GRXCR1: variants seen among roughly 807,000 people sequenced by gnomAD.
GRXCR1 encodes glutaredoxin domain-containing cysteine-rich protein 1.
GRXCR1 carries 27 observed loss-of-function variants against 27.3 expected under a neutral mutation model. The ratio of observed to expected loss-of-function variants is 0.99; its 90% CI spans 0.73 to 1.37. GRXCR1 has a LOEUF of 1.37. Among genes scored for constraint, GRXCR1 ranks in the 40% most tolerant of loss-of-function variants. The pLI, the probability that GRXCR1 is intolerant of heterozygous loss-of-function variation, is 0.00. For missense variants in GRXCR1, 379 were observed against 354.4 expected (o/e 1.07, Z -0.56); for synonymous variants, 122 against 131.1 (o/e 0.93, Z 0.47).
At chr4:42,950,109 G>T in intron 1 of GRXCR1, among the ~76,000 whole-genome samples, 1 of 152,140 alleles carries the variant, frequency 6.6e-6, no homozygotes, top group East Asian at 1.9e-4. Context: ...TAATATTGTA[G>T]ATATAATATA....
intron 2 of GRXCR1, among the ~76,000 whole-genome samples, chr4:42,986,034 T>C (rs1560676133): frequency 6.6e-6 from 1 of 152,182 alleles, no homozygotes; most frequent in Non-Finnish European, 1.5e-5. Flanking sequence ...AGAATGTAAA[T>C]AGCTCCTGAG....
intron 2 of GRXCR1, among the ~76,000 whole-genome samples, chr4:42,980,583 C>A (rs1301224563): frequency 6.6e-6 from 1 of 151,980 alleles, no homozygotes; most frequent in East Asian, 1.9e-4. Context: ...GAAGACTGTT[C>A]CATGTGCAGT....
chr4:43,006,583 T>G lies in GRXCR1; in HGVS notation c.628-13771T>G, dbSNP rs1284078800. On this transcript the variant is annotated intron_variant, in intron 2 of 3. Transcript: ENST00000399770. ...AGAGGAAATTCCCACCTAATAAATT[T>G]TGGTCAGACCAGTTGATCTCAAAAC... is the stretch of plus-strand genomic sequence containing the variant. Among the ~76,000 whole-genome samples the G allele has an allele frequency of 2.0e-5, 3 of 152,170 alleles. No individual in the cohort carries two copies. In the East Asian group the frequency reaches 5.8e-4, roughly 29 times the overall value.
chr4:42,968,371 C>T (rs1009150499), intron 2 of GRXCR1, among the ~76,000 whole-genome samples: 3 of 152,012 alleles, frequency 2.0e-5, no homozygotes, highest in African/African-American at 7.2e-5. Flanking sequence ...TACTTTCTGG[C>T]AAAATAACAA....
At chr4:43,007,874 C>G (rs1002527065) in intron 2 of GRXCR1, among the ~76,000 whole-genome samples, 1 of 152,208 alleles carries the variant, frequency 6.6e-6, no homozygotes, top group East Asian at 1.9e-4. Flanking sequence ...CTTTTACTCT[C>G]ACACCTCATA....
intron 2 of GRXCR1, among the ~76,000 whole-genome samples, chr4:42,990,641 C>G (rs147477717): frequency 9.2e-5 from 14 of 152,024 alleles, no homozygotes; most frequent in South Asian, 4.2e-4. Flanking sequence ...TATCAATTTC[C>G]AAGAAACTAA....
chr4:42,947,678 G>T (rs925415761), intron 1 of GRXCR1, among the ~76,000 whole-genome samples: 2 of 152,164 alleles, frequency 1.3e-5, no homozygotes, highest in Non-Finnish European at 2.9e-5. Flanking sequence ...GAGCTGTGGT[G>T]ACAAACCAAG....
intron 1 of GRXCR1, among the ~76,000 whole-genome samples, chr4:42,907,978 C>A (rs1232933846): frequency 6.6e-6 from 1 of 152,152 alleles, no homozygotes; most frequent in African/African-American, 2.4e-5. Flanking sequence ...CAATGTAGCA[C>A]CACATAATAA....
intron 2 of GRXCR1, among the ~76,000 whole-genome samples, chr4:42,981,816 T>A (rs141251106): frequency 6.6e-6 from 1 of 152,330 alleles, no homozygotes; most frequent in East Asian, 1.9e-4. Context: ...TTGGAACTTC[T>A]GTATGTGTTA....
chr4:42,937,510 A>G (rs1747488828), intron 1 of GRXCR1, among the ~76,000 whole-genome samples: 1 of 151,920 alleles, frequency 6.6e-6, no homozygotes, highest in African/African-American at 2.4e-5. Flanking sequence ...CCAAGGAAAT[A>G]TATGTGGGTA....
intron 2 of GRXCR1, among the ~76,000 whole-genome samples, chr4:42,970,128 G>A (rs923562482): frequency 3.9e-5 from 6 of 152,128 alleles, no homozygotes; most frequent in Non-Finnish European, 5.9e-5. Context: ...TGCAAGGGGT[G>A]GGCTCCCAAT....
chr4:42,993,962 G>C (rs1008221800), intron 2 of GRXCR1, among the ~76,000 whole-genome samples: 3 of 152,024 alleles, frequency 2.0e-5, no homozygotes, highest in Admixed American at 1.3e-4. Flanking sequence ...CACTGTGATC[G>C]TAAGTCATTA....
chr4:43,005,321 A>G (rs1054508355), intron 2 of GRXCR1, among the ~76,000 whole-genome samples: 1 of 152,182 alleles, frequency 6.6e-6, no homozygotes, highest in Admixed American at 6.5e-5. Context: ...GTAGTCCTTT[A>G]TAGCAGTTTG....
intron 1 of GRXCR1, among the ~76,000 whole-genome samples, chr4:42,958,541 T>A (rs932566058): frequency 5.3e-5 from 8 of 151,792 alleles, no homozygotes; most frequent in Non-Finnish European, 7.4e-5. Context: ...ACACAGGTAA[T>A]GCAAGGAAAA....
intron 1 of GRXCR1, among the ~76,000 whole-genome samples, chr4:42,895,243 G>T (rs1459874283): frequency 6.6e-6 from 1 of 152,008 alleles, no homozygotes; most frequent in Non-Finnish European, 1.5e-5. Flanking sequence ...TCTATGCATA[G>T]TTCCATAGCC....
intron 2 of GRXCR1, among the ~76,000 whole-genome samples, chr4:43,005,618 G>A (rs929467091): frequency 2.6e-5 from 4 of 152,136 alleles, no homozygotes; most frequent in African/African-American, 9.7e-5. Flanking sequence ...AACACCAAGG[G>A]TTCAAGCCAC....
chr4:42,993,835 T>A (rs1268514190), intron 2 of GRXCR1, among the ~76,000 whole-genome samples: 1 of 152,114 alleles, frequency 6.6e-6, no homozygotes. Flanking sequence ...CTTATTAGGA[T>A]CCAAATAAGT....
intron 1 of GRXCR1, among the ~76,000 whole-genome samples, chr4:42,926,148 T>C (rs1747152824): frequency 6.6e-6 from 1 of 152,070 alleles, no homozygotes; most frequent in Admixed American, 6.6e-5. Flanking sequence ...GGCTGCACTA[T>C]GTTGTAGGAT....
intron 1 of GRXCR1, among the ~76,000 whole-genome samples, chr4:42,902,378 AT>A (rs1340786162): frequency 1.3e-5 from 2 of 152,166 alleles, no homozygotes; most frequent in East Asian, 3.9e-4. Context: ...ATCAGTTTCT[AT>A]AACAGTGACC....
Sources: gnomAD v4.1 joint callset for allele counts (sites outside exome capture counted in the v4.1 genomes callset) on GRCh38, gnomAD v4.1.1 for gene constraint, MANE v1.5 for transcripts, NCBI Gene and HGNC (gene_info 2026-07-23, HGNC 2026-07-21) for gene names.